The following OR2L13 variants were observed in gnomAD, a reference collection of about 807,000 sequenced individuals.
OR2L13 encodes the protein olfactory receptor family 2 subfamily L member 13.
OR2L13 carries 14 observed loss-of-function variants against 15.3 expected under a neutral mutation model. The observed-to-expected ratio is 0.91, with a 90% confidence interval of 0.60 to 1.43. The LOEUF is 1.43. Among genes scored for constraint, OR2L13 ranks in the 40% most tolerant of loss-of-function variants. The probability of loss-of-function intolerance (pLI) is 0.00; values close to 1 mark genes in which losing one functional copy is unlikely to be tolerated. For missense variants in OR2L13, 367 were observed against 387.9 expected (o/e 0.95, Z 0.45); for synonymous variants, 152 against 142.9 (o/e 1.06, Z -0.45).
the OR2L13 span, chr1:247,990,745 G>C: frequency 6.3e-7 from 1 of 1,589,254 alleles, no homozygotes; most frequent in South Asian, 1.1e-5. Flanking sequence ...TGCTCACACG[G>C]TATATGCACT....
At chr1:248,025,402 C>G in the OR2L13 span, among the ~76,000 whole-genome samples, 1 of 148,802 alleles carries the variant, frequency 6.7e-6, no homozygotes, top group Non-Finnish European at 1.5e-5. Flanking sequence ...CAATGAGATA[C>G]CATCTCACAC....
the OR2L13 span, among the ~76,000 whole-genome samples, chr1:247,979,520 C>T: frequency 6.7e-6 from 1 of 149,606 alleles, no homozygotes. Context: ...TATAGTATTT[C>T]ATGGTGTATA....
the OR2L13 span, among the ~76,000 whole-genome samples, chr1:248,037,430 G>A: frequency 3.3e-5 from 5 of 152,156 alleles, no homozygotes; most frequent in Non-Finnish European, 7.4e-5. Context: ...CCATGCGTAT[G>A]TTTTAAGCAT....
chr1:248,055,665 G>A, the OR2L13 span, among the ~76,000 whole-genome samples: 2 of 152,230 alleles, frequency 1.3e-5, no homozygotes, highest in African/African-American at 4.8e-5. Flanking sequence ...GCTGAGGCAT[G>A]TGAATCACTT....
At chr1:248,097,880 A>T (rs1458317793) in intron 1 of OR2L13, among the ~76,000 whole-genome samples, 1 of 152,218 alleles carries the variant, frequency 6.6e-6, no homozygotes, top group East Asian at 1.9e-4. Flanking sequence ...TTGGTCGCCC[A>T]CTTGGGGATG....
At chr1:248,009,661 T>A in the OR2L13 span, among the ~76,000 whole-genome samples, 1 of 152,114 alleles carries the variant, frequency 6.6e-6, no homozygotes, top group African/African-American at 2.4e-5. Flanking sequence ...GACCCCTCCC[T>A]TTTATGAGGA....
chr1:247,945,511 C>T, the OR2L13 span, among the ~76,000 whole-genome samples: 3,512 of 152,144 alleles, frequency 0.023, 56 homozygotes, highest in East Asian at 0.036. Flanking sequence ...AGATATCTAT[C>T]AGGTCCACTT....
the OR2L13 span, among the ~76,000 whole-genome samples, chr1:247,967,851 TCTC>T: frequency 0.072 from 10,802 of 149,974 alleles, 520 homozygotes; most frequent in African/African-American, 0.15. Context: ...TCTTCCTCCT[TCTC>T]CTCCTCCTCC....
At chr1:247,993,762 G>A in the OR2L13 span, among the ~76,000 whole-genome samples, 18,409 of 52,770 alleles carry the variant, frequency 0.35, 4,634 homozygotes, top group South Asian at 0.43. Context: ...AGAGAGAGGG[G>A]GAGAGAGAGA....
the OR2L13 span, among the ~76,000 whole-genome samples, chr1:247,986,067 C>T: frequency 2.6e-5 from 4 of 152,268 alleles, no homozygotes; most frequent in African/African-American, 9.6e-5. Context: ...GTTGCCTGTT[C>T]ACTCTGATGG....
chr1:248,060,434 G>C, the OR2L13 span, among the ~76,000 whole-genome samples: 1 of 152,140 alleles, frequency 6.6e-6, no homozygotes, highest in Non-Finnish European at 1.5e-5. Flanking sequence ...TTGTATTATA[G>C]TATACTGTAT....
At chr1:248,044,570 G>A in the OR2L13 span, among the ~76,000 whole-genome samples, 4 of 85,144 alleles carry the variant, frequency 4.7e-5, no homozygotes, top group Admixed American at 3.6e-4. Flanking sequence ...TTGGGAGGCC[G>A]AGGCGGGTGG....
the OR2L13 span, among the ~76,000 whole-genome samples, chr1:248,070,137 T>A: frequency 1.3e-5 from 2 of 152,180 alleles, no homozygotes; most frequent in Admixed American, 6.5e-5. Flanking sequence ...AATAGACATC[T>A]ACAGAACTCT....
exon 3 of OR2L13, chr1:248,100,323 A>T: frequency 1.3e-6 from 2 of 1,507,024 alleles, no homozygotes; most frequent in Non-Finnish European, 1.8e-6. Context: ...AATCATGGCC[A>T]TCCCCACTCC....
chr1:248,086,381 T>C, the OR2L13 span, among the ~76,000 whole-genome samples: 91 of 152,198 alleles, frequency 6.0e-4, no homozygotes, highest in Non-Finnish European at 1.1e-3. Context: ...CATTGCTCTT[T>C]TCTTTAACAT....
At chr1:247,938,024 T>G in the OR2L13 span, among the ~76,000 whole-genome samples, 1 of 152,050 alleles carries the variant, frequency 6.6e-6, no homozygotes, top group Non-Finnish European at 1.5e-5. Context: ...AAAAGAACAG[T>G]GTGGCAATAT....
chr1:248,089,467 C>A, the OR2L13 span, among the ~76,000 whole-genome samples: 2 of 152,208 alleles, frequency 1.3e-5, no homozygotes, highest in East Asian at 3.9e-4. Context: ...AGCAGGGAGC[C>A]CTCTTAGTGA....
the OR2L13 span, chr1:247,949,773 A>T: frequency 6.2e-7 from 1 of 1,611,924 alleles, no homozygotes. Context: ...AGTGAGTCAG[A>T]GAATCTGCTC....
the OR2L13 span, among the ~76,000 whole-genome samples, chr1:247,938,674 A>T: frequency 6.6e-6 from 1 of 152,158 alleles, no homozygotes; most frequent in East Asian, 2.0e-4. Flanking sequence ...ATACACACTG[A>T]CACACACACA....
Sources: allele counts gnomAD v4.1 joint callset (sites outside exome capture counted in the v4.1 genomes callset), GRCh38; gene constraint gnomAD v4.1.1; transcripts MANE v1.5; gene names NCBI Gene and HGNC (gene_info 2026-07-23, HGNC 2026-07-21).